Variants in EIF4A3 observed in about 807,000 individuals in gnomAD.
EIF4A3 encodes the protein eukaryotic initiation factor 4A-III.
A neutral mutation model predicts 55.6 loss-of-function variants in EIF4A3; 1 was observed. That is an observed-to-expected ratio of 0.02 (90% CI 0.01 to 0.09). The LOEUF (loss-of-function observed/expected upper bound fraction) is 0.09. EIF4A3 is among the 10% of genes least tolerant of loss of function. The pLI is 1.00. For missense variants in EIF4A3, 221 were observed against 540.7 expected (o/e 0.41, Z 5.86); for synonymous variants, 194 against 196.3 (o/e 0.99, Z 0.10).
chr17:80,144,337 T>C, intron 1 of EIF4A3, 93 bp from the exon 2 acceptor site: 1 of 1,184,336 alleles, frequency 8.4e-7, no homozygotes, highest in Non-Finnish European at 1.2e-6. Context: ...GGTTTGTTTT[T>C]TGAACCTGTC....
At chr17:80,136,581 C>T in intron 9 of EIF4A3, 1 of 527,184 alleles carries the variant, frequency 1.9e-6, no homozygotes, top group Non-Finnish European at 3.3e-6. Context: ...AAATAGACAT[C>T]TTTTACTAGA....
chr17:80,139,558 T>A, intron 6 of EIF4A3, 112 bp downstream of exon 6: 2 of 940,102 alleles, frequency 2.1e-6, no homozygotes, highest in Non-Finnish European at 3.2e-6. Context: ...TTTTCCACGA[T>A]GAAAACACTA....
At position 80,135,367 on chromosome 17, in the gene EIF4A3, CG is replaced by C. The variant is rs2039562071; in HGVS notation, c.*122del. 34 of 1,126,522 alleles carry C rather than the reference CG, an allele frequency of 3.0e-5. 1 individual carries two copies. In the South Asian group the frequency reaches 5.3e-4, roughly 17 times the overall value. The allele number at this position is 1,126,522 out of a possible 1,614,324, so 69.8% of individuals were successfully genotyped here. On this transcript the variant is annotated 3_prime_UTR_variant, in exon 12 of 12. Transcript: ENST00000649764. ...CATATCCTCTTCAAAGGAAGGGAGA[CG>C]GCAGGCCATTTATGAGAAGAAAGTC...
Position 80,140,065 on chromosome 17 carries a change from T to C in EIF4A3, c.448A>G (p.Ile150Val). The C allele has an allele frequency of 6.2e-7, 1 of 1,614,080 alleles. No homozygotes were observed. Among genetic ancestry groups the C allele is most frequent in the East Asian group, 2.2e-5 (1 of 44,872 alleles). ...TGCTGTCCGTAATCCAGCTTCCTGA[T>C]GTCCTCGCCAACATTGGTGCCTCCA... Reference protein sequence around the residue: ...CIGGTNVGEDIRKLDYGQHVV... With the variant: ...CIGGTNVGEDVRKLDYGQHVV... Residue 150 changes from isoleucine (I) to valine (V), a missense_variant, in exon 5 of 12, where the codon ATC becomes GTC. Physicochemically the swap from Ile to Val is conservative, Grantham distance 29. Around this residue, in one of 4 missense-constraint regions of EIF4A3, gnomAD observed 85 missense variants for 205.8 expected, o/e 0.41. Coordinates refer to ENST00000649764, the MANE Select transcript of EIF4A3 (RefSeq NM_014740.4).
At chr17:80,141,674 A>T in intron 3 of EIF4A3, 108 bp downstream of exon 3, 1 of 1,147,368 alleles carries the variant, frequency 8.7e-7, no homozygotes, top group Non-Finnish European at 1.3e-6. Flanking sequence ...CTGAGTCAAT[A>T]CATACTAGAA....
intron 1 of EIF4A3, among the ~76,000 whole-genome samples, chr17:80,146,367 T>C (rs2039662741): frequency 6.6e-6 from 1 of 152,174 alleles, no homozygotes; most frequent in African/African-American, 2.4e-5. Flanking sequence ...ATTACCCCGC[T>C]TCAGGTTCTT....
rs1238468691 is a variant in EIF4A3 at position 80,140,042 on chromosome 17, C to T, written c.471G>A (p.Gln157=). 1 of 1,613,942 alleles carries T rather than the reference C, an allele frequency of 6.2e-7. No homozygotes were observed. The highest frequency in any genetic ancestry group is 8.5e-7 in the Non-Finnish European group (1 of 1,179,956). Residue 157 remains glutamine (Q), a synonymous_variant, in exon 5 of 12, where the codon CAG becomes CAA. Coordinates refer to ENST00000649764, the MANE Select transcript of EIF4A3 (RefSeq NM_014740.4). ...GEDIRKLDYG[Q]HVVAGTPGRV... ...GCCCTGGAGTGCCCGCGACAACATG[C>T]TGTCCGTAATCCAGCTTCCTGATGT...
chr17:80,135,577 C>G lies in EIF4A3; in HGVS notation c.1220-71G>C, dbSNP rs1598602674. On this transcript the variant is annotated intron_variant, in intron 11 of 11. Transcript: ENST00000649764. ...TGAAAATTTGTTAACGTAAATTTAA[C>G]TAAAACCTCACAACAGACTTCTCAA... 3.9e-5 allele frequency: 54 copies of G among 1,387,246 alleles called. No homozygotes were observed. The South Asian group carries it at 6.5e-4, about 17-fold the overall frequency. 85.9% of individuals were successfully genotyped at this position (1,387,246 alleles called of 1,614,324 possible).
At chr17:80,137,322 T>C in intron 9 of EIF4A3, 64 bp downstream of exon 9, 4 of 1,430,396 alleles carry the variant, frequency 2.8e-6, no homozygotes, top group East Asian at 4.7e-5. Flanking sequence ...AGGCGGTACA[T>C]ATGAAGTGCT....
In EIF4A3 at chr17:80,147,124, G is replaced by GCTGTGCCGCTGCCGACCTCT. The variant is rs2039676553; in HGVS notation, c.-164_-163insAGAGGTCGGCAGCGGCACAG. The GCTGTGCCGCTGCCGACCTCT allele has an allele frequency of 1.0e-6, 1 of 999,206 alleles. No homozygotes were observed. The highest frequency in any genetic ancestry group is 1.8e-5 in the African/African-American group (1 of 56,904). The allele number at this position is 999,206 out of a possible 1,614,324, so 61.9% of individuals were successfully genotyped here. A position where few individuals can be genotyped will look rare whatever the true frequency, so the allele number is the denominator to read the frequency against. ...ACCTCGCTGTGCCGCTGCCGACCTC[G>GCTGTGCCGCTGCCGACCTCT]CTGTGCCGCTGCCGAGAACAGACGC... On this transcript the variant is annotated 5_prime_UTR_variant, in exon 1 of 12. Transcript: ENST00000649764.
chr17:80,144,405 A>T (rs2039641968), intron 1 of EIF4A3, among the ~76,000 whole-genome samples, 161 bp from the exon 2 acceptor site: 1 of 152,044 alleles, frequency 6.6e-6, no homozygotes, highest in East Asian at 1.9e-4. Context: ...GGCTCAATGA[A>T]TTGGGCTGAG....
intron 4 of EIF4A3, among the ~76,000 whole-genome samples, chr17:80,140,818 CAG>C (rs1402232094): frequency 6.6e-6 from 1 of 150,930 alleles, no homozygotes; most frequent in East Asian, 1.9e-4. Flanking sequence ...TTTTTTGAGA[CAG>C]AGTTTCACTC....
At position 80,134,564 on chromosome 17, in the gene EIF4A3, C is replaced by T. The variant is rs1215008290; in HGVS notation, c.*926G>A. On this transcript the variant is annotated 3_prime_UTR_variant, in exon 12 of 12. Coordinates refer to ENST00000649764, the MANE Select transcript of EIF4A3 (RefSeq NM_014740.4). ...TGAGGCCAGGCATGGTGGCTCACAC[C>T]TGTTATCCCAGCACTTTGTAAGGCC... Among the ~76,000 whole-genome samples, 1 of 151,796 alleles carries T rather than the reference C, an allele frequency of 6.6e-6. No homozygotes were observed. The highest frequency in any genetic ancestry group is 1.5e-5 in the Non-Finnish European group (1 of 67,956).
intron 6 of EIF4A3, 58 bp downstream of exon 6, chr17:80,139,612 G>T: frequency 6.8e-7 from 1 of 1,473,816 alleles, no homozygotes. Context: ...TTTACACTGT[G>T]AAAATTTAAG....
At chr17:80,143,046 T>A (rs12938838) in intron 2 of EIF4A3, among the ~76,000 whole-genome samples, 40,773 of 151,984 alleles carry the variant, frequency 0.27, 5,775 homozygotes, top group Middle Eastern at 0.38. Flanking sequence ...AAAATTTAAA[T>A]TTCAAATTTT....
intron 1 of EIF4A3, among the ~76,000 whole-genome samples, chr17:80,146,373 T>G (rs896381274): frequency 1.3e-5 from 2 of 152,182 alleles, no homozygotes; most frequent in African/African-American, 4.8e-5. Flanking sequence ...CCGCTTCAGG[T>G]TCTTCAGGTT....
Position 80,136,810 on chromosome 17 carries a change from G to GAA in EIF4A3, c.984-477_984-476dup, listed in dbSNP as rs3035988. 8.1e-4 allele frequency: 107 copies of GAA among 132,638 alleles called. 2 individuals are homozygous for GAA. Among genetic ancestry groups the GAA allele is most frequent in the South Asian group, 1.2e-3 (5 of 4,130 alleles). 8.2% of individuals were successfully genotyped at this position (132,638 alleles called of 1,614,324 possible). On this transcript the variant is annotated intron_variant, in intron 9 of 11. Transcript: ENST00000649764. ...GTGAAACCCCATCTCTACTAAAAAT[G>GAA]AAAAAAAAAAAAAAAAATTAGCCAT... is the stretch of plus-strand genomic sequence containing the variant.
chr17:80,141,184 G>T, intron 4 of EIF4A3, 135 bp downstream of exon 4: 1 of 874,042 alleles, frequency 1.1e-6, no homozygotes, highest in Non-Finnish European at 1.7e-6. Context: ...ATGATTAATG[G>T]CAAAATGTTA....
At chr17:80,138,931 C>G (rs2039595389) in intron 7 of EIF4A3, 90 bp downstream of exon 7, 5 of 1,543,398 alleles carry the variant, frequency 3.2e-6, no homozygotes, top group Non-Finnish European at 4.4e-6. Flanking sequence ...CAGCCAGACT[C>G]TGGCTATAAA....
Sources: allele counts gnomAD v4.1 joint callset (sites outside exome capture counted in the v4.1 genomes callset), GRCh38; gene constraint gnomAD v4.1.1; regional missense constraint gnomAD v4.1.1; transcripts MANE v1.5; gene names NCBI Gene and HGNC (gene_info 2026-07-23, HGNC 2026-07-21).